Variants in FTO observed in about 807,000 individuals in gnomAD.
The protein encoded by FTO is alpha-ketoglutarate-dependent dioxygenase FTO.
In FTO, 47 loss-of-function variants were observed where a neutral mutation model predicts 63.9. The observed-to-expected ratio is 0.74, with a 90% CI of 0.58 to 0.94. FTO has a LOEUF of 0.94. Among genes scored for constraint, FTO ranks in the 40% least tolerant of loss-of-function variants. The pLI, the probability that FTO is intolerant of heterozygous loss-of-function variation, is 0.00. For missense variants in FTO, 562 were observed against 618.1 expected, an observed-to-expected ratio of 0.91 and a Z score of 0.96; for synonymous variants, 207 against 224.4, an observed-to-expected ratio of 0.92 and a Z score of 0.69.
intron 1 of FTO, among the ~76,000 whole-genome samples, chr16:53,772,320 C>T (rs1210683556): frequency 6.6e-6 from 1 of 151,944 alleles, no homozygotes; most frequent in Non-Finnish European, 1.5e-5. Flanking sequence ...TTTTGTAGAA[C>T]TTTCTTCCCC....
chr16:53,902,723 C>T (rs943636347), intron 7 of FTO, among the ~76,000 whole-genome samples: 1 of 152,178 alleles, frequency 6.6e-6, no homozygotes, highest in Non-Finnish European at 1.5e-5. Context: ...ACTCCATGAG[C>T]ATATGACCTG....
chr16:53,720,835 G>C (rs2076023463), intron 1 of FTO, among the ~76,000 whole-genome samples: 1 of 151,482 alleles, frequency 6.6e-6, no homozygotes, highest in Non-Finnish European at 1.5e-5. Flanking sequence ...TGTCACCCAG[G>C]CTGGAGTACA....
chr16:54,060,715 C>T (rs1412386956), intron 8 of FTO, among the ~76,000 whole-genome samples: 1 of 152,196 alleles, frequency 6.6e-6, no homozygotes, highest in African/African-American at 2.4e-5. Flanking sequence ...CACTCCCAGC[C>T]ATACTGGGAC....
chr16:54,055,110 C>G (rs1445098694), intron 8 of FTO, among the ~76,000 whole-genome samples: 1 of 152,172 alleles, frequency 6.6e-6, no homozygotes, highest in Admixed American at 6.5e-5. Flanking sequence ...TTCATACCAG[C>G]GAACTAGGAT....
intron 1 of FTO, among the ~76,000 whole-genome samples, chr16:53,711,993 A>G (rs2075786626): frequency 1.3e-5 from 2 of 152,166 alleles, no homozygotes; most frequent in Non-Finnish European, 1.5e-5. Flanking sequence ...TGTGAGGCCA[A>G]GGTGGAGGAG....
intron 8 of FTO, among the ~76,000 whole-genome samples, chr16:54,078,437 C>G (rs1219370823): frequency 1.4e-5 from 2 of 147,896 alleles, no homozygotes; most frequent in Admixed American, 1.4e-4. Context: ...TTTGCACACA[C>G]ACACTTCAAA....
intron 1 of FTO, among the ~76,000 whole-genome samples, chr16:53,734,524 T>C (rs1301212990): frequency 1.3e-5 from 2 of 152,272 alleles, no homozygotes; most frequent in Non-Finnish European, 2.9e-5. Context: ...GAAAGAGTTT[T>C]GTGCCTTTTT....
At chr16:53,841,783 A>G (rs2079485388) in intron 3 of FTO, among the ~76,000 whole-genome samples, 3 of 152,224 alleles carry the variant, frequency 2.0e-5, no homozygotes, top group Non-Finnish European at 4.4e-5. Context: ...CAGCCCAGGG[A>G]AAACATGCTT....
chr16:53,918,929 A>G (rs2081945342), intron 7 of FTO, among the ~76,000 whole-genome samples: 1 of 152,192 alleles, frequency 6.6e-6, no homozygotes, highest in Non-Finnish European at 1.5e-5. Flanking sequence ...AATTTAGCTA[A>G]GCCTCAGTTT....
chr16:54,042,153 T>C (rs979230472), intron 8 of FTO, among the ~76,000 whole-genome samples: 1 of 151,232 alleles, frequency 6.6e-6, no homozygotes, highest in South Asian at 2.1e-4. Flanking sequence ...CCAGCGTGAG[T>C]GACGCAGAAG....
At chr16:53,885,390 A>T (rs1042563771) in intron 6 of FTO, among the ~76,000 whole-genome samples, 3 of 151,896 alleles carry the variant, frequency 2.0e-5, no homozygotes, top group African/African-American at 7.2e-5. Context: ...CATGGAGTTG[A>T]ATAGAAGGCA....
At chr16:53,898,043 A>G (rs2081314455) in intron 7 of FTO, among the ~76,000 whole-genome samples, 1 of 152,138 alleles carries the variant, frequency 6.6e-6, no homozygotes, top group South Asian at 2.1e-4. Context: ...TCCTGCTTCT[A>G]CTACCCTATG....
rs536378178 is a variant in FTO, at chr16:53,707,591, A to G, written c.45+3362A>G. 3.3e-5 allele frequency among the ~76,000 whole-genome samples: 5 copies of G among 152,306 alleles called. No individual in the cohort carries two copies. The South Asian group carries it at 1.0e-3, about 32-fold the overall frequency. ...GTAAAATGAGAGTTCTACTTGTTTC[A>G]TATCTTTTCATCGCTTGTCAGTCTT... On this transcript the variant is annotated intron_variant, in intron 1 of 8. Transcript: ENST00000471389.
Position 53,810,218 on chromosome 16 carries a change from G to A in FTO, c.123+1G>A. The A allele has an allele frequency of 1.3e-6, 2 of 1,588,868 alleles. No individual in the cohort carries two copies. The highest frequency in any genetic ancestry group is 1.7e-6 in the Non-Finnish European group (2 of 1,157,674). On this transcript the variant is annotated splice_donor_variant, in intron 2 of 8. Coordinates refer to ENST00000471389, the MANE Select transcript of FTO (RefSeq NM_001080432.3). LOFTEE classifies it high-confidence loss of function. ...CAAAGATGATGAATTCTATCAGCAGGTAAGGTATTTTAATATTTTTATCAG... is the reference window on the plus strand; with the variant it reads ...CAAAGATGATGAATTCTATCAGCAGATAAGGTATTTTAATATTTTTATCAG...
chr16:53,821,956 G>T (rs1280231807), intron 2 of FTO, among the ~76,000 whole-genome samples: 2 of 152,190 alleles, frequency 1.3e-5, no homozygotes, highest in African/African-American at 4.8e-5. Flanking sequence ...TGGTTGCTGT[G>T]GCAGAGGGGT....
At chr16:53,944,998 G>C (rs1387349840) in intron 8 of FTO, among the ~76,000 whole-genome samples, 1 of 152,132 alleles carries the variant, frequency 6.6e-6, no homozygotes, top group Non-Finnish European at 1.5e-5. Flanking sequence ...GTGTCACACA[G>C]AATTGACAGG....
intron 8 of FTO, among the ~76,000 whole-genome samples, chr16:54,073,543 C>G (rs1228035846): frequency 6.6e-6 from 1 of 151,442 alleles, no homozygotes; most frequent in Non-Finnish European, 1.5e-5. Context: ...TCCCACCTCC[C>G]CCATGTGTAT....
At chr16:53,855,133 T>A (rs2079948214) in intron 4 of FTO, among the ~76,000 whole-genome samples, 1 of 152,174 alleles carries the variant, frequency 6.6e-6, no homozygotes, top group Non-Finnish European at 1.5e-5. Context: ...TTGTGTACAT[T>A]GATTTTGTAA....
intron 8 of FTO, among the ~76,000 whole-genome samples, chr16:53,935,012 G>A (rs1599030217): frequency 6.6e-6 from 1 of 152,180 alleles, no homozygotes; most frequent in Admixed American, 6.5e-5. Context: ...ACTGATGCTT[G>A]CATAGTAAAT....
Sources: gnomAD v4.1 joint callset for allele counts (sites outside exome capture counted in the v4.1 genomes callset) on GRCh38, gnomAD v4.1.1 for gene constraint, MANE v1.5 for transcripts, NCBI Gene and HGNC (gene_info 2026-07-23, HGNC 2026-07-21) for gene names.